The following GYS2 variants were observed in gnomAD, a reference collection of about 807,000 sequenced individuals.
GYS2 encodes the protein glycogen synthase 2.
In GYS2, 80 loss-of-function variants were observed where a neutral mutation model predicts 85.6. The observed-to-expected ratio is 0.93, with a 90% CI of 0.78 to 1.13. The LOEUF is 1.13. GYS2 is among the 50% of genes most tolerant of loss of function. The pLI is 0.00. For missense variants in GYS2, 881 were observed against 854.9 expected (o/e 1.03, Z -0.38); for synonymous variants, 328 against 300.7 (o/e 1.09, Z -0.94).
intron 11 of GYS2, among the ~76,000 whole-genome samples, chr12:21,554,229 A>G (rs745924318): frequency 1.7e-4 from 26 of 151,784 alleles, no homozygotes; most frequent in Non-Finnish European, 3.4e-4. Flanking sequence ...GAAGGAAGTG[A>G]GGAAGGGAAG....
At chr12:21,550,953 A>G (rs4271434) in intron 11 of GYS2, among the ~76,000 whole-genome samples, 108,693 of 151,756 alleles carry the variant, frequency 0.72, 39,755 homozygotes, top group South Asian at 0.79. Context: ...AAAACAGAGA[A>G]AGAGAGAAAG....
intron 2 of GYS2, among the ~76,000 whole-genome samples, chr12:21,577,547 T>C (rs1423282145): frequency 2.0e-5 from 3 of 152,226 alleles, no homozygotes; most frequent in African/African-American, 7.2e-5. Flanking sequence ...ATTTCATTTA[T>C]TTGCATCCTG....
intron 7 of GYS2, among the ~76,000 whole-genome samples, chr12:21,562,565 C>G (rs779742537): frequency 1.1e-4 from 16 of 151,912 alleles, no homozygotes; most frequent in Non-Finnish European, 2.2e-4. Context: ...TACTGGATTT[C>G]TCTATATTTA....
chr12:21,568,517 A>T (rs1175138712), intron 5 of GYS2, among the ~76,000 whole-genome samples: 1 of 152,248 alleles, frequency 6.6e-6, no homozygotes, highest in African/African-American at 2.4e-5. Flanking sequence ...GGATAGTCTC[A>T]CACAAATTTC....
At chr12:21,596,747 C>G (rs1944701337) in intron 1 of GYS2, among the ~76,000 whole-genome samples, 1 of 152,120 alleles carries the variant, frequency 6.6e-6, no homozygotes, top group Non-Finnish European at 1.5e-5. Flanking sequence ...AAGTCCTAGC[C>G]AGGGCAATCA....
chr12:21,544,597 T>C (rs913303785), intron 12 of GYS2, among the ~76,000 whole-genome samples: 7 of 152,172 alleles, frequency 4.6e-5, no homozygotes, highest in African/African-American at 1.7e-4. Context: ...AGTGTTAAGT[T>C]CATCAGTGAA....
intron 4 of GYS2, among the ~76,000 whole-genome samples, chr12:21,572,697 A>T (rs1214592110): frequency 6.6e-6 from 1 of 152,216 alleles, no homozygotes; most frequent in African/African-American, 2.4e-5. Flanking sequence ...AGTATGAAAA[A>T]TACTGCCCTT....
At chr12:21,600,447 G>A (rs1944743250) in intron 1 of GYS2, among the ~76,000 whole-genome samples, 1 of 152,078 alleles carries the variant, frequency 6.6e-6, no homozygotes, top group South Asian at 2.1e-4. Context: ...CTTTAAAAGT[G>A]GTGGGGGGTA....
intron 12 of GYS2, 28 bp downstream of exon 12, chr12:21,546,316 C>CA: frequency 6.5e-7 from 1 of 1,528,676 alleles, no homozygotes; most frequent in Non-Finnish European, 9.0e-7. Flanking sequence ...AAATTCAAAA[C>CA]ATTCCACACT....
intron 10 of GYS2, 28 bp from the exon 11 acceptor site, chr12:21,558,341 A>C: frequency 3.6e-6 from 5 of 1,381,356 alleles, no homozygotes; most frequent in Non-Finnish European, 5.2e-6. Flanking sequence ...AGGAAATATC[A>C]ATTGCGGAAA....
rs756381607 is a variant in GYS2, at chr12:21,574,345, A to G, written c.496-19T>C. On this transcript the variant is annotated intron_variant, in intron 3 of 15. Coordinates refer to ENST00000261195, the MANE Select transcript of GYS2 (RefSeq NM_021957.4). ...CTGTCACCTACATTAGGAAAAAAAA[A>G]GCATTCAGAAAAGTTGTTGATGAAG... 1.9e-6 allele frequency: 3 copies of G among 1,602,348 alleles called. No homozygotes were observed. Among genetic ancestry groups the G allele is most frequent in the East Asian group, 4.5e-5 (2 of 44,802 alleles).
chr12:21,537,257 A>ATT, intron 15 of GYS2, 82 bp from the exon 16 acceptor site: 2 of 931,450 alleles, frequency 2.1e-6, no homozygotes, highest in Non-Finnish European at 3.5e-6. Context: ...TGCACTATCA[A>ATT]TTTTTTAAGT....
At chr12:21,545,702 A>G (rs1422889665) in intron 12 of GYS2, among the ~76,000 whole-genome samples, 2 of 152,216 alleles carry the variant, frequency 1.3e-5, no homozygotes, top group Non-Finnish European at 2.9e-5. Context: ...AAAAAATAAA[A>G]TAAAATAAAA....
intron 7 of GYS2, among the ~76,000 whole-genome samples, chr12:21,560,866 A>C (rs1292357123): frequency 1.3e-5 from 2 of 152,218 alleles, no homozygotes; most frequent in African/African-American, 4.8e-5. Flanking sequence ...AATGAGAGCT[A>C]ATATTACAAG....
intron 9 of GYS2, 70 bp downstream of exon 9, chr12:21,559,581 A>T: frequency 1.2e-6 from 1 of 852,748 alleles, no homozygotes; most frequent in Non-Finnish European, 2.0e-6. Context: ...ATAAGTTATG[A>T]TGTCTAAATT....
intron 10 of GYS2, among the ~76,000 whole-genome samples, chr12:21,558,519 C>A (rs918198153): frequency 6.6e-6 from 1 of 152,142 alleles, no homozygotes; most frequent in Non-Finnish European, 1.5e-5. Flanking sequence ...ATACATGAAG[C>A]TTTTGTTTTC....
chr12:21,545,664 T>C (rs985419351), intron 12 of GYS2, among the ~76,000 whole-genome samples: 1 of 152,116 alleles, frequency 6.6e-6, no homozygotes, highest in Non-Finnish European at 1.5e-5. Flanking sequence ...GAAAAATACA[T>C]AGTAAACCTG....
intron 1 of GYS2, among the ~76,000 whole-genome samples, chr12:21,586,566 C>CA (rs1026824768): frequency 5.3e-5 from 8 of 151,284 alleles, no homozygotes; most frequent in Non-Finnish European, 1.0e-4. Flanking sequence ...CAATAAACGT[C>CA]AAAAAAAAGT....
rs1944692617 is a variant in GYS2, at chr12:21,596,056, C to T, written c.121+8416G>A. The stretch of plus-strand genomic sequence containing the variant: ...ACCATATGATAGGCCATGAAATGAG[C>T]CTCAATAAATTTACTAACAGACCAA... On this transcript the variant is annotated intron_variant, in intron 1 of 15. Transcript: ENST00000261195. 2.0e-5 allele frequency among the ~76,000 whole-genome samples: 3 copies of T among 151,882 alleles called. No homozygotes were observed. The South Asian group carries it at 6.2e-4, about 32-fold the overall frequency.
Sources: gnomAD v4.1 joint callset for allele counts (sites outside exome capture counted in the v4.1 genomes callset) on GRCh38, gnomAD v4.1.1 for gene constraint, MANE v1.5 for transcripts, NCBI Gene and HGNC (gene_info 2026-07-23, HGNC 2026-07-21) for gene names.